CLSTN2: variants seen among roughly 807,000 people sequenced by gnomAD.
The protein encoded by CLSTN2 is calsyntenin-2.
Under a neutral mutation model 101.2 loss-of-function variants are expected in CLSTN2, and 48 were observed. The ratio of observed to expected loss-of-function variants is 0.47; its 90% CI spans 0.38 to 0.60. The LOEUF is 0.60. CLSTN2 is among the 20% of genes least tolerant of loss of function. The pLI, the probability that CLSTN2 is intolerant of heterozygous loss-of-function variation, is 0.00. For synonymous variants in CLSTN2, 481 were observed against 463.6 expected (o/e 1.04, Z -0.48); for missense variants, 1,160 against 1,238.2 (o/e 0.94, Z 0.95).
chr3:140,321,174 A>G (rs2087280244), intron 2 of CLSTN2, among the ~76,000 whole-genome samples: 1 of 152,230 alleles, frequency 6.6e-6, no homozygotes, highest in Non-Finnish European at 1.5e-5. Context: ...TATTCTGGGC[A>G]GAGTGCAGCT....
In CLSTN2 at chr3:140,466,638, T is replaced by C. The variant is rs1933710339; in HGVS notation, c.1251T>C (p.Tyr417=). The C allele has an allele frequency of 6.2e-7, 1 of 1,614,210 alleles. No homozygotes were observed. Among genetic ancestry groups the C allele is most frequent in the Middle Eastern group, 1.6e-4 (1 of 6,062 alleles). The change falls in exon 8 of 17, where the codon TAT becomes TAC. Residue 417 remains tyrosine (Y), a synonymous_variant. Coordinates refer to ENST00000458420, the MANE Select transcript of CLSTN2 (RefSeq NM_022131.3). ...TGAACCGGCATCACTATGCCCTGTATGTGCACAACTGCCGCCTCGTCTTTC... is the reference window on the plus strand; with the variant it reads ...TGAACCGGCATCACTATGCCCTGTACGTGCACAACTGCCGCCTCGTCTTTC... ...TEMNRHHYAL[Y]VHNCRLVFLL...
chr3:140,321,650 A>C (rs2087283922), intron 2 of CLSTN2, among the ~76,000 whole-genome samples: 1 of 152,056 alleles, frequency 6.6e-6, no homozygotes, highest in South Asian at 2.1e-4. Context: ...GAGGAGGTAC[A>C]CACCCCACCA....
intron 10 of CLSTN2, among the ~76,000 whole-genome samples, chr3:140,550,570 C>T (rs556691091): frequency 6.6e-6 from 1 of 152,200 alleles, no homozygotes; most frequent in East Asian, 1.9e-4. Context: ...TTACTCTTTG[C>T]ATCTGCGTAG....
At chr3:140,134,897 C>A (rs1340920150) in intron 1 of CLSTN2, among the ~76,000 whole-genome samples, 1 of 151,598 alleles carries the variant, frequency 6.6e-6, no homozygotes, top group East Asian at 1.9e-4. Flanking sequence ...TGAAGAATTA[C>A]CTAAGCTGGC....
chr3:140,255,384 G>T (rs940940335), intron 2 of CLSTN2, among the ~76,000 whole-genome samples: 2 of 152,146 alleles, frequency 1.3e-5, no homozygotes, highest in Admixed American at 6.5e-5. Flanking sequence ...CTACAGCAAA[G>T]ACATGGAATC....
At chr3:140,416,228 T>A (rs932399119) in intron 4 of CLSTN2, among the ~76,000 whole-genome samples, 3 of 152,134 alleles carry the variant, frequency 2.0e-5, no homozygotes, top group African/African-American at 7.2e-5. Context: ...AAAGAGAAGG[T>A]ATTGATCATA....
intron 5 of CLSTN2, among the ~76,000 whole-genome samples, chr3:140,422,054 C>T: frequency 6.6e-6 from 1 of 152,156 alleles, no homozygotes; most frequent in East Asian, 1.9e-4. Flanking sequence ...CCTCTCTCTA[C>T]TTCATGTGTT....
At chr3:140,290,107 A>G (rs775013172) in intron 2 of CLSTN2, among the ~76,000 whole-genome samples, 1 of 151,994 alleles carries the variant, frequency 6.6e-6, no homozygotes, top group Non-Finnish European at 1.5e-5. Flanking sequence ...AATAGGCATC[A>G]GAAAAGATTG....
At chr3:140,111,422 G>A (rs957777296) in intron 1 of CLSTN2, among the ~76,000 whole-genome samples, 1 of 152,124 alleles carries the variant, frequency 6.6e-6, no homozygotes, top group African/African-American at 2.4e-5. Context: ...AGCCACTGGG[G>A]CAGGCTACCT....
chr3:140,070,099 G>A (rs1024085549), intron 1 of CLSTN2, among the ~76,000 whole-genome samples: 1 of 152,078 alleles, frequency 6.6e-6, no homozygotes, highest in African/African-American at 2.4e-5. Context: ...CACTGTCTTT[G>A]GTCCTGCTGT....
chr3:139,959,689 A>G (rs1935469801), intron 1 of CLSTN2, among the ~76,000 whole-genome samples: 2 of 151,910 alleles, frequency 1.3e-5, no homozygotes, highest in Admixed American at 6.6e-5. Context: ...AAGTCTCTAA[A>G]CTATTGGGTT....
At chr3:140,186,505 A>T (rs1209184090) in intron 2 of CLSTN2, among the ~76,000 whole-genome samples, 1 of 152,170 alleles carries the variant, frequency 6.6e-6, no homozygotes, top group Non-Finnish European at 1.5e-5. Flanking sequence ...TGCTTGGCAG[A>T]GTGTCCAGAG....
chr3:140,072,759 G>A (rs2008417622), intron 1 of CLSTN2, among the ~76,000 whole-genome samples: 1 of 152,198 alleles, frequency 6.6e-6, no homozygotes, highest in African/African-American at 2.4e-5. Context: ...TTGAAGATAA[G>A]GGTAGCATTG....
At chr3:140,486,789 T>C (rs1041748071) in intron 8 of CLSTN2, among the ~76,000 whole-genome samples, 1 of 152,190 alleles carries the variant, frequency 6.6e-6, no homozygotes, top group African/African-American at 2.4e-5. Flanking sequence ...GCGTGAATAA[T>C]GAAGGAGGGC....
chr3:140,154,110 T>A (rs1422689713), intron 1 of CLSTN2, among the ~76,000 whole-genome samples: 1 of 152,142 alleles, frequency 6.6e-6, no homozygotes, highest in East Asian at 1.9e-4. Context: ...TAATTTTAGG[T>A]GTGATCATTG....
At chr3:140,130,010 C>T (rs147316524) in intron 1 of CLSTN2, among the ~76,000 whole-genome samples, 1 of 152,328 alleles carries the variant, frequency 6.6e-6, no homozygotes, top group African/African-American at 2.4e-5. Context: ...CTGCAGCATA[C>T]TGAACAGCTT....
chr3:140,263,000 C>T (rs2107884248), intron 2 of CLSTN2, among the ~76,000 whole-genome samples: 1 of 151,756 alleles, frequency 6.6e-6, no homozygotes, highest in Non-Finnish European at 1.5e-5. Flanking sequence ...TGAAGAAGAA[C>T]AAATGGTTTG....
chr3:140,025,829 G>A (rs1020657631), intron 1 of CLSTN2, among the ~76,000 whole-genome samples: 5 of 152,188 alleles, frequency 3.3e-5, no homozygotes, highest in African/African-American at 4.8e-5. Context: ...GTTTCAAGAT[G>A]AACATGCGAT....
intron 4 of CLSTN2, among the ~76,000 whole-genome samples, chr3:140,407,951 G>T (rs1045863152): frequency 1.3e-5 from 2 of 152,114 alleles, no homozygotes; most frequent in Admixed American, 6.6e-5. Context: ...CAAACACGAA[G>T]TATGGGGCGA....
Sources: gnomAD v4.1 joint callset for allele counts (sites outside exome capture counted in the v4.1 genomes callset) on GRCh38, gnomAD v4.1.1 for gene constraint, MANE v1.5 for transcripts, NCBI Gene and HGNC (gene_info 2026-07-23, HGNC 2026-07-21) for gene names.